Variants in KAT6A observed in about 807,000 individuals in gnomAD.
The protein encoded by KAT6A is lysine acetyltransferase 6A, also known as histone acetyltransferase KAT6A.
Under a neutral mutation model 198.4 loss-of-function variants are expected in KAT6A, and 9 were observed. The observed-to-expected ratio is 0.05, with a 90% confidence interval of 0.03 to 0.08. The LOEUF (loss-of-function observed/expected upper bound fraction) is 0.08. Ranked by LOEUF, KAT6A falls within the 10% of genes least tolerant of loss-of-function variation. The pLI, the probability that KAT6A is intolerant of heterozygous loss-of-function variation, is 1.00. For missense variants in KAT6A, 2,077 were observed against 2,509.9 expected (o/e 0.83, Z 3.69); for synonymous variants, 890 against 883.0 (o/e 1.01, Z -0.14).
rs1824047299 is a variant in KAT6A at position 41,976,267 on chromosome 8, T to C, written c.1363+741A>G. 2.6e-5 allele frequency among the ~76,000 whole-genome samples: 4 copies of C among 152,336 alleles called. No individual in the cohort carries two copies. The South Asian group carries it at 8.3e-4, about 32-fold the overall frequency. On this transcript the variant is annotated intron_variant, in intron 7 of 16. Coordinates refer to ENST00000265713, the MANE Select transcript of KAT6A (RefSeq NM_006766.5). ...CCAAAAGAGTTCATTCTCATTCTAC[T>C]TTCTTCAAGCCCTTTCTACTTCCTT...
intron 8 of KAT6A, among the ~76,000 whole-genome samples, chr8:41,971,136 T>A (rs1823773559): frequency 6.6e-6 from 1 of 150,584 alleles, no homozygotes. Context: ...GACGAGTTAA[T>A]GGGTGCAGCA....
At chr8:42,014,218 G>A (rs1826158714) in intron 2 of KAT6A, among the ~76,000 whole-genome samples, 1 of 152,120 alleles carries the variant, frequency 6.6e-6, no homozygotes, top group Non-Finnish European at 1.5e-5. Flanking sequence ...ATTTGCTACT[G>A]TACTAGACGT....
intron 2 of KAT6A, among the ~76,000 whole-genome samples, chr8:42,009,913 AACAAAAAAAAAC>A (rs1564062923): frequency 1.5e-5 from 2 of 136,580 alleles, no homozygotes; most frequent in African/African-American, 5.6e-5. Context: ...AAAAAAAAAA[AACAAAAAAAAAC>A]AAAACCACAA....
chr8:41,969,155 T>C (rs1823655567), intron 8 of KAT6A, among the ~76,000 whole-genome samples: 1 of 152,192 alleles, frequency 6.6e-6, no homozygotes, highest in African/African-American at 2.4e-5. Context: ...GATTCTAATA[T>C]TAATTCCTTT....
intron 2 of KAT6A, among the ~76,000 whole-genome samples, chr8:42,000,279 G>A (rs574624223): frequency 1.5e-4 from 23 of 152,298 alleles, no homozygotes; most frequent in African/African-American, 3.1e-4. Flanking sequence ...TGCCAGGCCC[G>A]GTGGCTCACG....
rs753016148 is a variant in KAT6A, at chr8:41,947,768, C to T, written c.1885G>A (p.Val629Ile). 3 of 1,592,758 alleles carry T rather than the reference C, an allele frequency of 1.9e-6. No individual in the cohort carries two copies. The Admixed American group carries it at 5.7e-5, about 30-fold the overall frequency. ...ATACTTACCTTAGAAAAGTAGCCAA[C>T]AAGGTGGCAGCCCTTGACATCATTC... ...TQNDVKGCHL[V>I]GYFSKEKHCQ... is the part of the protein sequence containing the mutation. The change falls in exon 11 of 17, where the codon GTT (valine) becomes ATT (isoleucine). Residue 629 changes from valine (V) to isoleucine (I), a missense_variant. Physicochemically the swap from Val to Ile is conservative, Grantham distance 29. Around this residue, in one of 13 missense-constraint regions of KAT6A, gnomAD observed 127 missense variants for 209.6 expected, o/e 0.61. Coordinates refer to ENST00000265713, the MANE Select transcript of KAT6A (RefSeq NM_006766.5).
In KAT6A at chr8:41,937,585, G is replaced by C. The variant is rs1305656682; in HGVS notation, c.3040-17C>G. The stretch of plus-strand genomic sequence containing the variant: ...AAATGGTTTCTGTTTAATAGAGAAA[G>C]CAAGTATTTACAGTTATGAACACTA... On this transcript the variant is annotated splice_polypyrimidine_tract_variant and intron_variant, in intron 15 of 16. Transcript: ENST00000265713. The C allele has an allele frequency of 6.3e-7, 1 of 1,582,150 alleles. No homozygotes were observed. The highest frequency in any genetic ancestry group is 2.2e-5 in the East Asian group (1 of 44,602).
intron 2 of KAT6A, among the ~76,000 whole-genome samples, chr8:41,988,499 A>G (rs1824741062): frequency 6.6e-6 from 1 of 152,220 alleles, no homozygotes. Context: ...GGAGATAATC[A>G]CTTGGAGAAA....
At position 41,934,304 on chromosome 8, in the gene KAT6A, C is replaced by A; in HGVS notation, c.3916G>T (p.Ala1306Ser). The change falls in exon 17 of 17, where the codon GCA becomes TCA. Residue 1306 changes from alanine to serine, a missense_variant. By Grantham distance (99) the Ala-to-Ser change is moderately conservative (BLOSUM62 1). This residue lies in a region of KAT6A where 375 missense variants were observed against 383.0 expected (regional missense o/e 0.98). Transcript: ENST00000265713. ...TGGTCGTCATTCTGGGCAGTCTCTG[C>A]AGCTGCATCTTCCTCCTCCTCTGGC... ...PEPEEEEDAAAETAQNDDHDA... is the reference protein window; with the variant it reads ...PEPEEEEDAASETAQNDDHDA... 1 of 1,614,160 alleles carries A rather than the reference C, an allele frequency of 6.2e-7. No individual in the cohort carries two copies. Among genetic ancestry groups the A allele is most frequent in the Non-Finnish European group, 8.5e-7 (1 of 1,180,026 alleles).
intron 2 of KAT6A, among the ~76,000 whole-genome samples, chr8:42,033,653 C>T (rs866396889): frequency 1.6e-4 from 25 of 152,114 alleles, no homozygotes; most frequent in Admixed American, 3.9e-4. Flanking sequence ...TTTCCACCCC[C>T]TCCTCTGTGT....
At chr8:42,033,535 T>A (rs1280271595) in intron 2 of KAT6A, among the ~76,000 whole-genome samples, 3 of 152,224 alleles carry the variant, frequency 2.0e-5, no homozygotes, top group African/African-American at 4.8e-5. Flanking sequence ...TAGGCCTTTG[T>A]ACATGCTGTT....
chr8:41,974,504 GT>G (rs774804546), intron 8 of KAT6A, 199 bp downstream of exon 8: 3 of 406,610 alleles, frequency 7.4e-6, no homozygotes, highest in Non-Finnish European at 8.8e-6. Flanking sequence ...TCAAAGCCAT[GT>G]GCTTATCTGC....
intron 2 of KAT6A, among the ~76,000 whole-genome samples, chr8:42,023,133 A>G (rs1826631638): frequency 6.6e-6 from 1 of 152,240 alleles, no homozygotes; most frequent in African/African-American, 2.4e-5. Flanking sequence ...GTATCTAAAC[A>G]TAGAAAAGGA....
rs1821907424 is a variant in KAT6A at position 41,937,412 on chromosome 8, C to T, written c.3196G>A (p.Glu1066Lys). ...TCTTCCTCCTCTTCTTCATCGATCT[C>T]AAACGTGGGTTCTAATCTTGGCATT... ...RPMPRLEPTF[E>K]IDEEEEEEDE... Residue 1066 changes from glutamate (E) to lysine (K), a missense_variant, in exon 16 of 17, where the codon GAG (glutamate) becomes AAG (lysine). Physicochemically the swap from Glu to Lys is moderately conservative, Grantham distance 56 (BLOSUM62 1). This residue lies in a region of KAT6A where 375 missense variants were observed against 383.0 expected (regional missense o/e 0.98). Transcript: ENST00000265713. 6.2e-7 allele frequency: 1 copy of T among 1,614,148 alleles called. No homozygotes were observed. The highest frequency in any genetic ancestry group is 8.5e-7 in the Non-Finnish European group (1 of 1,180,028).
At chr8:41,963,236 T>C (rs1486052793) in intron 8 of KAT6A, among the ~76,000 whole-genome samples, 1 of 152,166 alleles carries the variant, frequency 6.6e-6, no homozygotes, top group Non-Finnish European at 1.5e-5. Context: ...TGATAAAAAT[T>C]TTAAACAATC....
At chr8:41,968,838 T>C (rs892797263) in intron 8 of KAT6A, among the ~76,000 whole-genome samples, 8 of 152,202 alleles carry the variant, frequency 5.3e-5, no homozygotes, top group Non-Finnish European at 1.0e-4. Context: ...AAGTGTATGT[T>C]GTATAGCTAA....
At chr8:41,999,745 C>T (rs950139341) in intron 2 of KAT6A, among the ~76,000 whole-genome samples, 13 of 152,156 alleles carry the variant, frequency 8.5e-5, no homozygotes, top group African/African-American at 2.9e-4. Flanking sequence ...CTCTCAAAGT[C>T]GTTTGTATCT....
In KAT6A at chr8:42,048,938, A is replaced by G; in HGVS notation, c.40T>C (p.Leu14=). The G allele has an allele frequency of 1.9e-6, 3 of 1,614,020 alleles. No homozygotes were observed. Among genetic ancestry groups the G allele is most frequent in the Non-Finnish European group, 1.7e-6 (2 of 1,179,996 alleles). ...TTTTTCACTTTTTTGATGGCCTCCA[A>G]AATCCACTCAGTATAAAGCGGGTTT... is the stretch of plus-strand genomic sequence containing the variant. ...LANPLYTEWI[L]EAIKKVKKQK... is the part of the protein sequence containing the mutation. The change falls in exon 2 of 17, where the codon TTG becomes CTG. Residue 14 remains leucine (L), a synonymous_variant. Coordinates refer to ENST00000265713, the MANE Select transcript of KAT6A (RefSeq NM_006766.5).
intron 9 of KAT6A, among the ~76,000 whole-genome samples, chr8:41,953,406 A>G (rs535039807): frequency 6.6e-6 from 1 of 152,348 alleles, no homozygotes; most frequent in Non-Finnish European, 1.5e-5. Flanking sequence ...GCTTGCAAAG[A>G]GCTCACTTAA....
Sources: gnomAD v4.1 joint callset for allele counts (sites outside exome capture counted in the v4.1 genomes callset) on GRCh38, gnomAD v4.1.1 for gene constraint, gnomAD v4.1.1 regional missense constraint, MANE v1.5 for transcripts, NCBI Gene and HGNC (gene_info 2026-07-23, HGNC 2026-07-21) for gene names.